The following MRGBP variants were observed in gnomAD, a reference collection of about 807,000 sequenced individuals.
MRGBP encodes MRG/MORF4L-binding protein.
Under a neutral mutation model 21.5 loss-of-function variants are expected in MRGBP, and 5 were observed. That is an observed-to-expected ratio of 0.23 (90% CI 0.12 to 0.49). The LOEUF (loss-of-function observed/expected upper bound fraction) is 0.49. Ranked by LOEUF, MRGBP falls within the 20% of genes least tolerant of loss-of-function variation. The pLI is 0.98. For synonymous variants in MRGBP, 118 were observed against 104.4 expected, an observed-to-expected ratio of 1.13 and a Z score of -0.79; for missense variants, 227 against 277.4, an observed-to-expected ratio of 0.82 and a Z score of 1.29.
Position 62,797,239 on chromosome 20 carries a change from C to G in MRGBP, c.270+8C>G. On this transcript the variant is annotated splice_region_variant and intron_variant, in intron 2 of 4. Coordinates refer to ENST00000370487, the MANE Select transcript of MRGBP (RefSeq NM_018270.6). ...TACGACATGCAGGCGCTGGTGAGCC[C>G]AACCGCCCTCCCTGTGCCGCCCGAT... 1 of 1,569,870 alleles carries G rather than the reference C, an allele frequency of 6.4e-7. No homozygotes were observed. The highest frequency in any genetic ancestry group is 8.6e-7 in the Non-Finnish European group (1 of 1,158,278).
chr20:62,798,329 C>T (rs1385551596), intron 2 of MRGBP, among the ~76,000 whole-genome samples: 2 of 152,184 alleles, frequency 1.3e-5, no homozygotes, highest in Non-Finnish European at 1.5e-5. Flanking sequence ...GATGCTGGCC[C>T]CGGTGGGTCT....
rs1390579539 is a variant in MRGBP at position 62,800,361 on chromosome 20, G to T, written c.*718G>T. 3.3e-5 allele frequency: 5 copies of T among 152,514 alleles called. 1 individual carries two copies. The allele number at this position is 152,514 out of a possible 1,614,324, so 9.4% of individuals were successfully genotyped here. A position where few individuals can be genotyped will look rare whatever the true frequency, so the allele number is the denominator to read the frequency against. On this transcript the variant is annotated 3_prime_UTR_variant, in exon 5 of 5. Coordinates refer to ENST00000370487, the MANE Select transcript of MRGBP (RefSeq NM_018270.6). ...GTACTGCAGAAGTTAAACCTGTGTT[G>T]TATTTTTTCTGAGATGTTTTGCTTT...
chr20:62,797,289 C>T (rs1990359214), intron 2 of MRGBP, 58 bp downstream of exon 2: 1 of 1,490,608 alleles, frequency 6.7e-7, no homozygotes, highest in African/African-American at 1.4e-5. Flanking sequence ...GCACACCGCT[C>T]TCTGAGAGTC....
At chr20:62,798,193 C>T (rs577210835) in intron 2 of MRGBP, among the ~76,000 whole-genome samples, 2 of 152,338 alleles carry the variant, frequency 1.3e-5, no homozygotes, top group Admixed American at 6.5e-5. Flanking sequence ...CCAGGGCTGT[C>T]ACTGTGCCCT....
At position 62,797,204 on chromosome 20, in the gene MRGBP, G is replaced by A. The variant is rs1990356758; in HGVS notation, c.243G>A (p.Leu81=). Residue 81 remains leucine, a synonymous_variant, in exon 2 of 5, where the codon CTG becomes CTA. Transcript: ENST00000370487. The part of the protein sequence containing the change: ...QVPSKVIWDH[L]STMYDMQALH... ...CATCCAAGGTCATCTGGGACCATCT[G>A]AGCACCATGTACGACATGCAGGCGC... 5.6e-6 allele frequency: 9 copies of A among 1,600,802 alleles called. No homozygotes were observed. The highest frequency in any genetic ancestry group is 7.7e-6 in the Non-Finnish European group (9 of 1,174,930).
At chr20:62,799,170 T>C in intron 4 of MRGBP, 121 bp downstream of exon 4, 1 of 1,046,812 alleles carries the variant, frequency 9.6e-7, no homozygotes, top group Non-Finnish European at 1.4e-6. Flanking sequence ...AGGCAGGTCA[T>C]CTAGGCACAG....
chr20:62,797,269 G>C, intron 2 of MRGBP, 38 bp downstream of exon 2: 5 of 1,512,082 alleles, frequency 3.3e-6, no homozygotes, highest in Non-Finnish European at 4.4e-6. Context: ...CCCGATGGGG[G>C]CACGAACCCG....
At chr20:62,796,727 G>T in intron 1 of MRGBP, 56 bp downstream of exon 1, 1 of 1,207,280 alleles carries the variant, frequency 8.3e-7, no homozygotes, top group Non-Finnish European at 1.0e-6. Flanking sequence ...CGGCGGGGCG[G>T]GGCGGGGCCT....
intron 2 of MRGBP, 90 bp downstream of exon 2, chr20:62,797,321 C>T (rs1039011852): frequency 8.6e-5 from 125 of 1,455,038 alleles, no homozygotes; most frequent in Non-Finnish European, 1.1e-4. Flanking sequence ...GGCAGAGGCC[C>T]CTCCATGTCT....
In MRGBP at chr20:62,798,485, C is replaced by T. The variant is rs185620709; in HGVS notation, c.271-102C>T. ...GCAGCCTCCAACACAGTGATGTGTG[C>T]TCATTGGCCTCTCCCCAAGTGGCTC... On this transcript the variant is annotated intron_variant, in intron 2 of 4. Coordinates refer to ENST00000370487, the MANE Select transcript of MRGBP (RefSeq NM_018270.6). The T allele has an allele frequency of 1.7e-4, 159 of 910,496 alleles. No homozygotes were observed. The African/African-American group carries it at 2.4e-3, about 14-fold the overall frequency. 56.4% of individuals were successfully genotyped at this position (910,496 alleles called of 1,614,324 possible).
chr20:62,797,081 G>A (rs749935110), intron 1 of MRGBP, 29 bp from the exon 2 acceptor site: 1 of 1,368,224 alleles, frequency 7.3e-7, no homozygotes, highest in South Asian at 1.3e-5. Context: ...ACCGCTCACC[G>A]GTTATCCCGC....
At chr20:62,796,973 C>G (rs553123537) in intron 1 of MRGBP, 137 bp from the exon 2 acceptor site, 1 of 404,268 alleles carries the variant, frequency 2.5e-6, no homozygotes, top group Non-Finnish European at 3.9e-6. Context: ...CCTGCCCCCC[C>G]ACAGCCCCTC....
intron 4 of MRGBP, 75 bp downstream of exon 4, chr20:62,799,124 G>A: frequency 6.7e-7 from 1 of 1,485,284 alleles, no homozygotes; most frequent in Non-Finnish European, 9.2e-7. Context: ...GCAGGGCACA[G>A]TCAGGTGGGC....
Position 62,798,573 on chromosome 20 carries a change from C to G in MRGBP, c.271-14C>G, listed in dbSNP as rs2294982. On this transcript the variant is annotated splice_polypyrimidine_tract_variant and intron_variant, in intron 2 of 4. Coordinates refer to ENST00000370487, the MANE Select transcript of MRGBP (RefSeq NM_018270.6). Reference sequence around the variant, plus strand: ...ACCCTTGTTTCTTAAACAAAACTCTCTATTTGATATCAGCATGAGTCTGAG... The same window carrying G: ...ACCCTTGTTTCTTAAACAAAACTCTGTATTTGATATCAGCATGAGTCTGAG... The G allele has an allele frequency of 0.023, 37,528 of 1,609,164 alleles. 1,168 individuals are homozygous for G. The highest frequency in any genetic ancestry group is 0.15 in the East Asian group (6,846 of 44,852).
chr20:62,797,267 G>T, intron 2 of MRGBP, 36 bp downstream of exon 2: 1 of 1,519,222 alleles, frequency 6.6e-7, no homozygotes, highest in Non-Finnish European at 8.8e-7. Flanking sequence ...CGCCCGATGG[G>T]GGCACGAACC....
rs558681281 is a variant in MRGBP at position 62,800,363 on chromosome 20, A to G, written c.*720A>G. 8 of 152,622 alleles carry G rather than the reference A, an allele frequency of 5.2e-5. No homozygotes were observed. The highest frequency in any genetic ancestry group is 1.9e-4 in the African/African-American group (8 of 41,542). The allele number at this position is 152,622 out of a possible 1,614,324, so 9.5% of individuals were successfully genotyped here. On this transcript the variant is annotated 3_prime_UTR_variant, in exon 5 of 5. Transcript: ENST00000370487. ...ACTGCAGAAGTTAAACCTGTGTTGTATTTTTTCTGAGATGTTTTGCTTTAA... is the reference window on the plus strand; with the variant it reads ...ACTGCAGAAGTTAAACCTGTGTTGTGTTTTTTCTGAGATGTTTTGCTTTAA...
chr20:62,799,378 A>AT lies in MRGBP; in HGVS notation c.428-71dup, dbSNP rs372719684. The stretch of plus-strand genomic sequence containing the variant: ...CAGAGGGTCACGTGTCAGTATGCAG[A>AT]TTTTTTTAACTGAACAGGAAGACAA... On this transcript the variant is annotated intron_variant, in intron 4 of 4. Transcript: ENST00000370487. The AT allele has an allele frequency of 1.4e-3, 2,122 of 1,492,274 alleles. 14 individuals are homozygous for AT. In the African/African-American group the frequency reaches 0.021, roughly 14 times the overall value. The allele number at this position is 1,492,274 out of a possible 1,614,324, so 92.4% of individuals were successfully genotyped here.
chr20:62,799,054 G>T lies in MRGBP; in HGVS notation c.427+5G>T. On this transcript the variant is annotated splice_donor_5th_base_variant and intron_variant, in intron 4 of 4. Transcript: ENST00000370487. ...CCCACAATGGGGCTGACGATGGTGA[G>T]TGTGGAGCTCACCCTGCCCTGATGC... 1.2e-6 allele frequency: 2 copies of T among 1,608,298 alleles called. No individual in the cohort carries two copies. Among genetic ancestry groups the T allele is most frequent in the Admixed American group, 1.7e-5 (1 of 58,796 alleles).
In MRGBP at chr20:62,796,655, G is replaced by A. The variant is rs1990341629; in HGVS notation, c.132G>A (p.Leu44=). The A allele has an allele frequency of 7.5e-7, 1 of 1,331,234 alleles. No individual in the cohort carries two copies. The highest frequency in any genetic ancestry group is 9.6e-7 in the Non-Finnish European group (1 of 1,037,510). The allele number at this position is 1,331,234 out of a possible 1,614,324, so 82.5% of individuals were successfully genotyped here. The part of the protein sequence containing the change: ...EVEVCLFHAM[L]GHKPVGVNRH... ...AGGTGTGCCTCTTCCACGCCATGCT[G>A]GGCCACAAGCCCGTCGGTGAGCGCC... The change falls in exon 1 of 5, where the codon CTG becomes CTA. Residue 44 remains leucine, a synonymous_variant. Transcript: ENST00000370487.
Sources: allele counts gnomAD v4.1 joint callset (sites outside exome capture counted in the v4.1 genomes callset), GRCh38; gene constraint gnomAD v4.1.1; transcripts MANE v1.5; gene names NCBI Gene and HGNC (gene_info 2026-07-23, HGNC 2026-07-21).